Variants in HECTD2 observed in about 807,000 individuals in gnomAD.
HECTD2 encodes probable E3 ubiquitin-protein ligase HECTD2.
In HECTD2, 35 loss-of-function variants were observed where a neutral mutation model predicts 103.2. That is an observed-to-expected ratio of 0.34 (90% CI 0.26 to 0.45). The LOEUF (loss-of-function observed/expected upper bound fraction) is 0.45. HECTD2 is among the 20% of genes least tolerant of loss of function. The probability of loss-of-function intolerance (pLI) is 1.00; values close to 1 mark genes in which losing one functional copy is unlikely to be tolerated. For missense variants in HECTD2, 596 were observed against 937.4 expected, an observed-to-expected ratio of 0.64 and a Z score of 4.76; for synonymous variants, 281 against 329.9, an observed-to-expected ratio of 0.85 and a Z score of 1.61.
chr10:91,497,754 T>G (rs999716630), intron 15 of HECTD2, among the ~76,000 whole-genome samples: 5 of 152,188 alleles, frequency 3.3e-5, no homozygotes, highest in Non-Finnish European at 7.3e-5. Context: ...TTAGCAGATT[T>G]TCATAGGAAT....
chr10:91,461,395 G>T, intron 4 of HECTD2, 39 bp downstream of exon 4: 2 of 1,029,332 alleles, frequency 1.9e-6, no homozygotes, highest in South Asian at 1.6e-5. Flanking sequence ...TTCACTTTTA[G>T]TTTTAAATTT....
chr10:91,485,252 T>G lies in HECTD2; in HGVS notation c.1043T>G (p.Ile348Ser). The G allele has an allele frequency of 6.3e-7, 1 of 1,594,310 alleles. No individual in the cohort carries two copies. The highest frequency in any genetic ancestry group is 8.5e-7 in the Non-Finnish European group (1 of 1,170,268). The stretch of plus-strand genomic sequence containing the variant: ...TTCTATAATTCTACATTGGATCACA[T>G]TGATCTCATGGAAGAATATCATACT... ...TDFYNSTLDH[I>S]DLMEEYHTWQ... Residue 348 changes from isoleucine to serine, a missense_variant, in exon 10 of 21, where the codon ATT (isoleucine) becomes AGT (serine). By Grantham distance (142) the Ile-to-Ser change is moderately radical. Around this residue, in one of 4 missense-constraint regions of HECTD2, gnomAD observed 303 missense variants for 522.5 expected, o/e 0.58. Coordinates refer to ENST00000298068, the MANE Select transcript of HECTD2 (RefSeq NM_182765.6).
At chr10:91,478,835 T>G (rs1401547547) in intron 6 of HECTD2, among the ~76,000 whole-genome samples, 1 of 151,858 alleles carries the variant, frequency 6.6e-6, no homozygotes, top group African/African-American at 2.4e-5. Context: ...AATAATAACT[T>G]CCATTAAAGC....
chr10:91,503,657 A>T (rs1029405695), intron 20 of HECTD2, among the ~76,000 whole-genome samples: 15 of 152,158 alleles, frequency 9.9e-5, no homozygotes, highest in Non-Finnish European at 4.4e-5. Context: ...TGGCTAGCGC[A>T]GCAGTCTGAG....
intron 5 of HECTD2, among the ~76,000 whole-genome samples, chr10:91,477,147 G>T (rs1845936410): frequency 6.7e-6 from 1 of 150,030 alleles, no homozygotes; most frequent in African/African-American, 2.5e-5. Flanking sequence ...CGCCACTGCA[G>T]TACGCAGTCT....
chr10:91,456,966 A>C (rs186650082), intron 2 of HECTD2, among the ~76,000 whole-genome samples: 108 of 152,220 alleles, frequency 7.1e-4, no homozygotes, highest in African/African-American at 2.5e-3. Context: ...AAAAAGGTAG[A>C]TTGTCAGTAT....
In HECTD2 at chr10:91,420,525, T is replaced by C; in HGVS notation, c.139-4756T>C. 3.3e-5 allele frequency among the ~76,000 whole-genome samples: 5 copies of C among 151,146 alleles called. 1 individual carries two copies. The highest frequency in any genetic ancestry group is 3.3e-4 in the Admixed American group (5 of 15,198). ...AATCAGTAGAACCAGGAGGCAGAGG[T>C]TGCAGTGAGCCGAGATCGTGCCACT... is the stretch of plus-strand genomic sequence containing the variant. On this transcript the variant is annotated intron_variant, in intron 1 of 20. Coordinates refer to ENST00000298068, the MANE Select transcript of HECTD2 (RefSeq NM_182765.6).
At chr10:91,462,943 A>G (rs1362830249) in intron 5 of HECTD2, 2 of 167,672 alleles carry the variant, frequency 1.2e-5, no homozygotes, top group Non-Finnish European at 2.4e-5. Flanking sequence ...ATTTCTCATT[A>G]CATGTATTTC....
chr10:91,430,089 T>A (rs956626326), intron 2 of HECTD2, among the ~76,000 whole-genome samples: 54 of 151,934 alleles, frequency 3.6e-4, no homozygotes, highest in Non-Finnish European at 7.4e-5. Flanking sequence ...TCTTTGTTCT[T>A]GTTGGTTTCA....
intron 18 of HECTD2, 83 bp from the exon 19 acceptor site, chr10:91,500,419 G>C: frequency 2.1e-6 from 1 of 480,494 alleles, no homozygotes; most frequent in East Asian, 4.6e-5. Context: ...TGACTTTTGT[G>C]ATTTGATCCA....
intron 5 of HECTD2, among the ~76,000 whole-genome samples, chr10:91,477,473 C>CT (rs550729512): frequency 2.8e-3 from 430 of 152,158 alleles, no homozygotes; most frequent in Non-Finnish European, 5.2e-3. Context: ...GGGGCAAACA[C>CT]TAAGTGGTTG....
chr10:91,429,304 A>G (rs1046234523), intron 2 of HECTD2, among the ~76,000 whole-genome samples: 1 of 152,114 alleles, frequency 6.6e-6, no homozygotes, highest in African/African-American at 2.4e-5. Flanking sequence ...GGATTTTTGC[A>G]TCAATGTTCA....
At position 91,495,772 on chromosome 10, in the gene HECTD2, CAT is replaced by C. The variant is rs200366539; in HGVS notation, c.1522-440_1522-439del. ...ATTCAGTTTAGCTCTGTTCTTCACACATAGTCTGTTTTTAATTTTAAAATAAA... is the reference window on the plus strand; with the variant it reads ...ATTCAGTTTAGCTCTGTTCTTCACACAGTCTGTTTTTAATTTTAAAATAAA... On this transcript the variant is annotated intron_variant, in intron 14 of 20. Transcript: ENST00000298068. Among the ~76,000 whole-genome samples, 1,113 of 152,230 alleles carry C rather than the reference CAT, an allele frequency of 7.3e-3. 15 individuals are homozygous for C. Among genetic ancestry groups the C allele is most frequent in the African/African-American group, 0.025 (1,050 of 41,564 alleles).
rs200442528 is a variant in HECTD2, at chr10:91,460,528, A to G, written c.370A>G (p.Ile124Val). Residue 124 changes from isoleucine (I) to valine (V), a missense_variant, in exon 3 of 21, where the codon ATT becomes GTT. Physicochemically the swap from Ile to Val is conservative, Grantham distance 29. Coordinates refer to ENST00000298068, the MANE Select transcript of HECTD2 (RefSeq NM_182765.6). ...EMKAPVLPEP[I>V]LPIQPKTVKD... ...GAAGGCCCCAGTCCTTCCAGAACCT[A>G]TTCTTCCTATCCAGCCCAAAACTGT... 232 of 1,612,738 alleles carry G rather than the reference A, an allele frequency of 1.4e-4. No homozygotes were observed. Among genetic ancestry groups the G allele is most frequent in the Non-Finnish European group, 1.9e-4 (227 of 1,179,386 alleles).
At chr10:91,511,880 G>T (rs908195135) in intron 20 of HECTD2, among the ~76,000 whole-genome samples, 1 of 152,084 alleles carries the variant, frequency 6.6e-6, no homozygotes, top group Admixed American at 6.6e-5. Context: ...CAGCCTAATT[G>T]GATGGTTTAC....
intron 1 of HECTD2, among the ~76,000 whole-genome samples, chr10:91,415,195 T>A (rs1165485421): frequency 7.1e-5 from 9 of 125,948 alleles, no homozygotes; most frequent in Non-Finnish European, 1.6e-4. Context: ...TTAGAGAAAG[T>A]GTGTGTGTGT....
chr10:91,504,982 T>G (rs573592393), intron 20 of HECTD2, among the ~76,000 whole-genome samples: 1 of 151,588 alleles, frequency 6.6e-6, no homozygotes, highest in South Asian at 2.1e-4. Flanking sequence ...TCAACATTCT[T>G]AAAGAATTTT....
chr10:91,505,402 G>A (rs1244565248), intron 20 of HECTD2, among the ~76,000 whole-genome samples: 1 of 152,138 alleles, frequency 6.6e-6, no homozygotes, highest in Non-Finnish European at 1.5e-5. Context: ...GACACACATA[G>A]GCTCAAAATA....
chr10:91,505,279 C>T (rs1847106456), intron 20 of HECTD2, among the ~76,000 whole-genome samples: 1 of 151,856 alleles, frequency 6.6e-6, no homozygotes, highest in South Asian at 2.1e-4. Context: ...ACACTATTAA[C>T]TTTAAATGTA....
Sources: allele counts gnomAD v4.1 joint callset (sites outside exome capture counted in the v4.1 genomes callset), GRCh38; gene constraint gnomAD v4.1.1; regional missense constraint gnomAD v4.1.1; transcripts MANE v1.5; gene names NCBI Gene and HGNC (gene_info 2026-07-23, HGNC 2026-07-21).